CADM2: variants seen among roughly 807,000 people sequenced by gnomAD.
The protein encoded by CADM2 is cell adhesion molecule 2, also known as immunoglobulin superfamily member 4D.
CADM2 carries 12 observed loss-of-function variants against 49.8 expected under a neutral mutation model. The observed-to-expected ratio is 0.24, with a 90% CI of 0.15 to 0.39. CADM2 has a LOEUF of 0.39. Among genes scored for constraint, CADM2 ranks in the 10% least tolerant of loss-of-function variants. The pLI, the probability that CADM2 is intolerant of heterozygous loss-of-function variation, is 1.00. For missense variants in CADM2, 378 were observed against 492.3 expected (o/e 0.77, Z 2.20); for synonymous variants, 214 against 175.4 (o/e 1.22, Z -1.74).
Position 85,757,104 on chromosome 3 carries a change from A to T in CADM2, c.88+30556A>T, listed in dbSNP as rs188104862. ...AATAATATTGGCTGTTTATGGCCTT[A>T]TAAAATATTAATATTAAGTAAAGGA... On this transcript the variant is annotated intron_variant, in intron 2 of 9. Coordinates refer to ENST00000383699, the MANE Select transcript of CADM2 (RefSeq NM_001167675.2). 4.2e-3 allele frequency among the ~76,000 whole-genome samples: 633 copies of T among 152,222 alleles called. 3 individuals are homozygous for T. The highest frequency in any genetic ancestry group is 0.014 in the African/African-American group (584 of 41,550).
At chr3:85,460,335 A>G (rs2107587556) in intron 1 of CADM2, among the ~76,000 whole-genome samples, 2 of 152,284 alleles carry the variant, frequency 1.3e-5, no homozygotes, top group South Asian at 4.1e-4. Flanking sequence ...ACCACTGTGA[A>G]GACAGAATCC....
chr3:84,996,621 G>T (rs141684503), intron 1 of CADM2, among the ~76,000 whole-genome samples: 1 of 152,062 alleles, frequency 6.6e-6, no homozygotes, highest in Non-Finnish European at 1.5e-5. Flanking sequence ...CATGCTTTGT[G>T]TAATTTATCC....
chr3:85,966,675 T>C (rs1469158423), intron 8 of CADM2, among the ~76,000 whole-genome samples: 1 of 151,628 alleles, frequency 6.6e-6, no homozygotes, highest in Non-Finnish European at 1.5e-5. Context: ...ATATAGTAAG[T>C]TAGAATCAAG....
chr3:85,428,007 C>T (rs1346846763), intron 1 of CADM2, among the ~76,000 whole-genome samples: 1 of 151,852 alleles, frequency 6.6e-6, no homozygotes, highest in Non-Finnish European at 1.5e-5. Context: ...TGCATTATTT[C>T]AACCATAGTT....
intron 1 of CADM2, among the ~76,000 whole-genome samples, chr3:85,063,547 T>C (rs1340426830): frequency 6.6e-6 from 1 of 152,024 alleles, no homozygotes; most frequent in South Asian, 2.1e-4. Context: ...TTAAACAGGA[T>C]AAACTTATAA....
chr3:85,359,666 A>ATATT, intron 1 of CADM2, among the ~76,000 whole-genome samples: 32 of 26,550 alleles, frequency 1.2e-3, no homozygotes, highest in African/African-American at 3.0e-3. Context: ...ATATATATAT[A>ATATT]TTTTTTTTTT....
intron 3 of CADM2, among the ~76,000 whole-genome samples, chr3:85,848,144 T>G (rs1476567304): frequency 1.3e-5 from 2 of 152,124 alleles, no homozygotes; most frequent in Non-Finnish European, 2.9e-5. Flanking sequence ...CTATCTGGAT[T>G]GGCTGGGGGA....
chr3:85,712,034 T>C (rs911534412), intron 1 of CADM2, among the ~76,000 whole-genome samples: 3 of 152,170 alleles, frequency 2.0e-5, no homozygotes, highest in Non-Finnish European at 4.4e-5. Flanking sequence ...CCAGAATGTA[T>C]TTCTGTACTT....
intron 6 of CADM2, among the ~76,000 whole-genome samples, chr3:85,931,521 A>G (rs930359142): frequency 2.6e-5 from 4 of 152,200 alleles, no homozygotes; most frequent in Admixed American, 6.6e-5. Flanking sequence ...TTTAAACACT[A>G]TGCAAGACAT....
chr3:85,731,833 T>C (rs975498562), intron 2 of CADM2, among the ~76,000 whole-genome samples: 2 of 152,092 alleles, frequency 1.3e-5, no homozygotes, highest in African/African-American at 4.8e-5. Flanking sequence ...GCTTATATAA[T>C]ACTTAAAATG....
At chr3:86,061,895 C>T (rs956153486) in intron 8 of CADM2, among the ~76,000 whole-genome samples, 1 of 150,686 alleles carries the variant, frequency 6.6e-6, no homozygotes, top group Non-Finnish European at 1.5e-5. Flanking sequence ...TTAGATGTTA[C>T]TTTTCCACAT....
At chr3:85,387,361 T>G (rs1559814249) in intron 1 of CADM2, among the ~76,000 whole-genome samples, 1 of 152,204 alleles carries the variant, frequency 6.6e-6, no homozygotes, top group African/African-American at 2.4e-5. Flanking sequence ...TCTCATTAAT[T>G]CTGTTAAATT....
At chr3:85,094,516 A>G (rs753674172) in intron 1 of CADM2, among the ~76,000 whole-genome samples, 5 of 152,184 alleles carry the variant, frequency 3.3e-5, no homozygotes, top group Admixed American at 1.3e-4. Context: ...TTGCAGGGGA[A>G]ATGTAAAATA....
At position 85,249,954 on chromosome 3, in the gene CADM2, A is replaced by G. The variant is rs73845415; in HGVS notation, c.61+290286A>G. The stretch of plus-strand genomic sequence containing the variant: ...TGTTAAATTTCTAATGAATTCTATA[A>G]TGACCATATTGACAATAACATAAAA... On this transcript the variant is annotated intron_variant, in intron 1 of 9. Transcript: ENST00000383699. Among the ~76,000 whole-genome samples the G allele has an allele frequency of 5.0e-3, 753 of 151,972 alleles. 5 individuals are homozygous for G. Among genetic ancestry groups the G allele is most frequent in the Middle Eastern group, 0.024 (7 of 294 alleles).
intron 8 of CADM2, chr3:86,013,590 C>A (rs1229198711): frequency 6.2e-7 from 1 of 1,601,350 alleles, no homozygotes; most frequent in Non-Finnish European, 8.5e-7. Context: ...AGAAGAAACT[C>A]TCAGGGAAGA....
chr3:85,187,742 A>C (rs72909177), intron 1 of CADM2, among the ~76,000 whole-genome samples: 10,067 of 152,136 alleles, frequency 0.066, 1,096 homozygotes, highest in African/African-American at 0.23. Flanking sequence ...GTCTTTAAAA[A>C]AGGCACTTTT....
In CADM2 at chr3:85,085,465, G is replaced by A. The variant is rs115021504; in HGVS notation, c.61+125797G>A. ...GTATTACATATAAATATGTATGTAT[G>A]TGTGTTTGTGTACACACCACATTTT... is the stretch of plus-strand genomic sequence containing the variant. On this transcript the variant is annotated intron_variant, in intron 1 of 9. Coordinates refer to ENST00000383699, the MANE Select transcript of CADM2 (RefSeq NM_001167675.2). Among the ~76,000 whole-genome samples the A allele has an allele frequency of 2.0e-3, 301 of 151,964 alleles. 2 individuals carry two copies. Among genetic ancestry groups the A allele is most frequent in the African/African-American group, 6.9e-3 (288 of 41,468 alleles).
At chr3:85,083,132 T>C (rs1365945990) in intron 1 of CADM2, among the ~76,000 whole-genome samples, 4 of 152,200 alleles carry the variant, frequency 2.6e-5, no homozygotes, top group Non-Finnish European at 4.4e-5. Flanking sequence ...TATTATATTA[T>C]ATACATGTGT....
intron 8 of CADM2, among the ~76,000 whole-genome samples, chr3:86,037,522 T>C (rs2107204056): frequency 6.6e-6 from 1 of 152,230 alleles, no homozygotes; most frequent in African/African-American, 2.4e-5. Context: ...AAAAAGTAAG[T>C]TACCAAAAAT....
Sources: allele counts gnomAD v4.1 joint callset (sites outside exome capture counted in the v4.1 genomes callset), GRCh38; gene constraint gnomAD v4.1.1; transcripts MANE v1.5; gene names NCBI Gene and HGNC (gene_info 2026-07-23, HGNC 2026-07-21).